The following SCARA5 variants were observed in gnomAD, a reference collection of about 807,000 sequenced individuals.
SCARA5 encodes scavenger receptor class A, member 5 (putative).
SCARA5 carries 45 observed loss-of-function variants against 46.3 expected under a neutral mutation model. The observed-to-expected ratio is 0.97, with a 90% CI of 0.76 to 1.24. The LOEUF (loss-of-function observed/expected upper bound fraction) is 1.24, where lower values mean the gene tolerates loss of function less well. Ranked by LOEUF, SCARA5 falls within the 50% of genes most tolerant of loss-of-function variation. The pLI is 0.00. For synonymous variants in SCARA5, 333 were observed against 306.5 expected (o/e 1.09, Z -0.90); for missense variants, 680 against 689.0 (o/e 0.99, Z 0.15).
intron 3 of SCARA5, among the ~76,000 whole-genome samples, chr8:27,926,246 A>T (rs1279377802): frequency 1.3e-5 from 2 of 152,184 alleles, no homozygotes; most frequent in African/African-American, 4.8e-5. Flanking sequence ...GCACATATAC[A>T]CCATGGAATA....
chr8:27,906,973 G>A (rs932509388), intron 6 of SCARA5, among the ~76,000 whole-genome samples, 175 bp downstream of exon 6: 1 of 152,166 alleles, frequency 6.6e-6, no homozygotes, highest in Non-Finnish European at 1.5e-5. Flanking sequence ...CCTGGCTGAG[G>A]GTTTCTAGTT....
chr8:27,912,709 G>T (rs541491321), intron 4 of SCARA5, among the ~76,000 whole-genome samples: 1 of 152,208 alleles, frequency 6.6e-6, no homozygotes, highest in Non-Finnish European at 1.5e-5. Flanking sequence ...AACTGAGCTG[G>T]TCACAGATGC....
chr8:27,944,920 C>G (rs1808009951), intron 3 of SCARA5, among the ~76,000 whole-genome samples: 1 of 152,010 alleles, frequency 6.6e-6, no homozygotes, highest in South Asian at 2.1e-4. Flanking sequence ...AATCCCAGTA[C>G]TCTGGGAAAC....
intron 3 of SCARA5, among the ~76,000 whole-genome samples, chr8:27,938,618 C>A (rs1366312394): frequency 6.6e-6 from 1 of 152,192 alleles, no homozygotes; most frequent in Non-Finnish European, 1.5e-5. Context: ...CATCGACAGG[C>A]AATGCAGGAA....
chr8:27,966,455 A>G lies in SCARA5; in HGVS notation c.200T>C (p.Leu67Pro). The change falls in exon 3 of 9, where the codon CTG becomes CCG. Residue 67 changes from leucine to proline, a missense_variant. Leu to Pro is a moderately conservative substitution (Grantham distance 98). This residue lies in a region of SCARA5 where 438 missense variants were observed against 384.5 expected (regional missense o/e 1.14). Coordinates refer to ENST00000354914, the MANE Select transcript of SCARA5 (RefSeq NM_173833.6). ...GCCCACAAGAATCAGGAAGACCAGC[A>G]GGTAGAGCCCCAGGACAGCATGCTT... ...ALKHAVLGLYLLVFLILVGIF... is the reference protein window; with the variant it reads ...ALKHAVLGLYPLVFLILVGIF... The G allele has an allele frequency of 6.2e-7, 1 of 1,613,660 alleles. No homozygotes were observed. The highest frequency in any genetic ancestry group is 1.3e-5 in the African/African-American group (1 of 75,014).
intron 4 of SCARA5, 152 bp downstream of exon 4, chr8:27,921,419 G>C: frequency 3.1e-6 from 2 of 646,590 alleles, no homozygotes; most frequent in South Asian, 4.7e-5. Flanking sequence ...AGTCCTGTAG[G>C]GCAAGACTTA....
At chr8:27,951,733 G>A (rs1285237376) in intron 3 of SCARA5, among the ~76,000 whole-genome samples, 1 of 152,198 alleles carries the variant, frequency 6.6e-6, no homozygotes, top group African/African-American at 2.4e-5. Flanking sequence ...CCTCATGCAG[G>A]GGAGGTTCCC....
At chr8:27,971,438 GCAAA>G (rs1308664614) in intron 2 of SCARA5, among the ~76,000 whole-genome samples, 5 of 152,200 alleles carry the variant, frequency 3.3e-5, no homozygotes, top group Admixed American at 2.0e-4. Flanking sequence ...ACTTTAAGGA[GCAAA>G]CAGTCTTCCT....
chr8:27,890,343 G>A (rs1806961756), intron 7 of SCARA5, among the ~76,000 whole-genome samples: 1 of 152,212 alleles, frequency 6.6e-6, no homozygotes, highest in Non-Finnish European at 1.5e-5. Flanking sequence ...AACCAGCAGG[G>A]CCCAGGGTGG....
intron 7 of SCARA5, among the ~76,000 whole-genome samples, chr8:27,901,619 G>C (rs763435377): frequency 3.3e-5 from 5 of 152,144 alleles, no homozygotes; most frequent in Admixed American, 6.5e-5. Flanking sequence ...TAAGCAGGAG[G>C]CTGAATACAG....
intron 3 of SCARA5, among the ~76,000 whole-genome samples, chr8:27,948,017 C>G (rs76610592): frequency 0.014 from 2,088 of 152,164 alleles, 52 homozygotes; most frequent in African/African-American, 0.048. Flanking sequence ...GCAGTTTCAG[C>G]TTGGAGATAT....
At chr8:27,894,379 G>A (rs1272045191) in intron 7 of SCARA5, among the ~76,000 whole-genome samples, 1 of 152,160 alleles carries the variant, frequency 6.6e-6, no homozygotes, top group Non-Finnish European at 1.5e-5. Context: ...AACATAAAGT[G>A]CTTTTCATCC....
At chr8:27,894,920 T>A (rs542396012) in intron 7 of SCARA5, among the ~76,000 whole-genome samples, 8 of 152,194 alleles carry the variant, frequency 5.3e-5, no homozygotes, top group Admixed American at 1.3e-4. Context: ...TGAATGGGAC[T>A]CACAGCATTT....
intron 5 of SCARA5, 72 bp from the exon 6 acceptor site, chr8:27,907,318 G>A (rs1807280128): frequency 8.9e-7 from 1 of 1,123,642 alleles, no homozygotes; most frequent in Non-Finnish European, 1.3e-6. Flanking sequence ...TCATCGTCGG[G>A]TTCAAGGCTC....
chr8:27,965,869 T>G (rs1808361162), intron 3 of SCARA5, among the ~76,000 whole-genome samples: 1 of 152,130 alleles, frequency 6.6e-6, no homozygotes, highest in Non-Finnish European at 1.5e-5. Context: ...CCTTCTTGAG[T>G]CCATGAGCTC....
intron 2 of SCARA5, 77 bp from the exon 3 acceptor site, chr8:27,966,619 T>C (rs1461369588): frequency 2.1e-6 from 3 of 1,450,630 alleles, no homozygotes; most frequent in Non-Finnish European, 1.9e-6. Context: ...TTTGGTCTCA[T>C]CTCTCCCTGA....
At position 27,987,439 on chromosome 8, in the gene SCARA5, G is replaced by A. The variant is rs559526873; in HGVS notation, c.112+65C>T. 18 of 1,081,402 alleles carry A rather than the reference G, an allele frequency of 1.7e-5. No individual in the cohort carries two copies. The East Asian group carries it at 4.0e-4, about 24-fold the overall frequency. The allele number at this position is 1,081,402 out of a possible 1,614,324, so 67.0% of individuals were successfully genotyped here. On this transcript the variant is annotated intron_variant, in intron 2 of 8. Transcript: ENST00000354914. The stretch of plus-strand genomic sequence containing the variant: ...AAAGGCAATGCCAAGGTTGGGTGGT[G>A]GTAGGGCTCCTTCCCCACCCCCAGG...
chr8:27,872,216 A>G, intron 8 of SCARA5, 146 bp from the exon 9 acceptor site: 2 of 714,356 alleles, frequency 2.8e-6, no homozygotes, highest in Non-Finnish European at 2.3e-6. Flanking sequence ...CGCCCCCCGA[A>G]GACCTCATAC....
Position 27,909,486 on chromosome 8 carries a change from C to T in SCARA5, c.997+177G>A, listed in dbSNP as rs116694902. Among the ~76,000 whole-genome samples, 742 of 152,172 alleles carry T rather than the reference C, an allele frequency of 4.9e-3. 7 individuals carry two copies. The highest frequency in any genetic ancestry group is 0.017 in the African/African-American group (688 of 41,508). On this transcript the variant is annotated intron_variant, in intron 5 of 8. Coordinates refer to ENST00000354914, the MANE Select transcript of SCARA5 (RefSeq NM_173833.6). Reference sequence around the variant, plus strand: ...GTGGCACTTGCTAAGGAAAAGTATGCGCTGCATCCCACCGTGACACCAGCA... The same window carrying T: ...GTGGCACTTGCTAAGGAAAAGTATGTGCTGCATCCCACCGTGACACCAGCA...
Sources: allele counts gnomAD v4.1 joint callset (sites outside exome capture counted in the v4.1 genomes callset), GRCh38; gene constraint gnomAD v4.1.1; regional missense constraint gnomAD v4.1.1; transcripts MANE v1.5; gene names NCBI Gene and HGNC (gene_info 2026-07-23, HGNC 2026-07-21).